Variants in CNTNAP2 observed in about 807,000 individuals in gnomAD.
CNTNAP2 encodes the protein contactin-associated protein-like 2.
CNTNAP2 carries 98 observed loss-of-function variants against 155.2 expected under a neutral mutation model. The ratio of observed to expected loss-of-function variants is 0.63; its 90% CI spans 0.54 to 0.75. The LOEUF is 0.75. Among genes scored for constraint, CNTNAP2 ranks in the 30% least tolerant of loss-of-function variants. The pLI, the probability that CNTNAP2 is intolerant of heterozygous loss-of-function variation, is 0.00. For missense variants in CNTNAP2, 1,727 were observed against 1,688.1 expected, an observed-to-expected ratio of 1.02 and a Z score of -0.40; for synonymous variants, 651 against 631.2, an observed-to-expected ratio of 1.03 and a Z score of -0.47.
rs572317024 is a variant in CNTNAP2 at position 148,162,662 on chromosome 7, G to T, written c.2774-9580G>T. Among the ~76,000 whole-genome samples the T allele has an allele frequency of 3.2e-4, 49 of 152,286 alleles. 2 individuals carry two copies. The South Asian group carries it at 9.1e-3, about 28-fold the overall frequency. On this transcript the variant is annotated intron_variant, in intron 17 of 23. Transcript: ENST00000361727. ...TGACATTCCTGGCTCTGTGAGTATT[G>T]CATTTCCCCTTTCAGCTTCAGCCAT...
At chr7:146,245,704 G>A (rs1446342760) in intron 1 of CNTNAP2, among the ~76,000 whole-genome samples, 4 of 152,122 alleles carry the variant, frequency 2.6e-5, no homozygotes, top group Non-Finnish European at 4.4e-5. Flanking sequence ...AACAGATGAG[G>A]ATGAAGTTTG....
At chr7:147,292,459 AT>A (rs935832262) in intron 8 of CNTNAP2, among the ~76,000 whole-genome samples, 78 of 151,970 alleles carry the variant, frequency 5.1e-4, no homozygotes, top group African/African-American at 1.8e-3. Context: ...ATATTTAAGG[AT>A]TTTTTTTGCA....
At chr7:148,224,468 C>G (rs756631363) in intron 19 of CNTNAP2, among the ~76,000 whole-genome samples, 50 of 152,128 alleles carry the variant, frequency 3.3e-4, no homozygotes, top group Non-Finnish European at 6.5e-4. Context: ...TAAAAAGTGA[C>G]AGTGAGTGGT....
chr7:146,910,827 C>T (rs1044740922), intron 3 of CNTNAP2, among the ~76,000 whole-genome samples: 3 of 149,048 alleles, frequency 2.0e-5, no homozygotes, highest in African/African-American at 7.5e-5. Flanking sequence ...AACTAAAGAG[C>T]TTCTGCACAG....
At chr7:148,412,407 GTTTA>G (rs973054957) in intron 23 of CNTNAP2, among the ~76,000 whole-genome samples, 2 of 152,226 alleles carry the variant, frequency 1.3e-5, no homozygotes, top group Non-Finnish European at 2.9e-5. Flanking sequence ...GTATCTATAC[GTTTA>G]TTTGTCTCAT....
chr7:147,457,142 C>T (rs959273405), intron 10 of CNTNAP2, among the ~76,000 whole-genome samples: 11 of 152,042 alleles, frequency 7.2e-5, no homozygotes, highest in Non-Finnish European at 1.5e-4. Flanking sequence ...ATATAAATGC[C>T]TTTCATTTCA....
intron 8 of CNTNAP2, among the ~76,000 whole-genome samples, chr7:147,272,664 A>ATTT (rs71182188): frequency 8.6e-5 from 12 of 138,922 alleles, no homozygotes; most frequent in African/African-American, 2.4e-4. Flanking sequence ...CGCCCGGCTA[A>ATTT]TTTTTTTTTT....
At chr7:148,347,109 T>C (rs1302572636) in intron 21 of CNTNAP2, among the ~76,000 whole-genome samples, 1 of 151,794 alleles carries the variant, frequency 6.6e-6, no homozygotes, top group African/African-American at 2.4e-5. Context: ...ATACAAAAAT[T>C]AGCCAGGCAT....
intron 21 of CNTNAP2, among the ~76,000 whole-genome samples, chr7:148,315,374 A>AG (rs1308415023): frequency 2.0e-5 from 3 of 151,932 alleles, no homozygotes; most frequent in Non-Finnish European, 4.4e-5. Flanking sequence ...TTACAGTCAA[A>AG]GGGGGGTTGT....
intron 1 of CNTNAP2, among the ~76,000 whole-genome samples, chr7:146,701,135 C>T (rs1419718056): frequency 6.6e-6 from 1 of 152,106 alleles, no homozygotes; most frequent in African/African-American, 2.4e-5. Context: ...ATAAAACCAA[C>T]TGCTTATCTG....
At chr7:147,315,294 C>T (rs909295053) in intron 9 of CNTNAP2, among the ~76,000 whole-genome samples, 8 of 150,232 alleles carry the variant, frequency 5.3e-5, no homozygotes, top group Admixed American at 2.7e-4. Flanking sequence ...TGTGATACTC[C>T]GAATATTCAC....
chr7:147,519,545 T>C (rs1799195211), intron 11 of CNTNAP2, among the ~76,000 whole-genome samples: 1 of 152,244 alleles, frequency 6.6e-6, no homozygotes, highest in Admixed American at 6.5e-5. Flanking sequence ...AAACCTCAAA[T>C]TGTATTCTGT....
chr7:146,563,354 T>C (rs772703798), intron 1 of CNTNAP2, among the ~76,000 whole-genome samples: 2 of 152,102 alleles, frequency 1.3e-5, no homozygotes, highest in African/African-American at 2.4e-5. Flanking sequence ...TTCCAAACCA[T>C]TACACTATTG....
intron 13 of CNTNAP2, chr7:147,897,029 C>T (rs1170413412): frequency 2.0e-5 from 3 of 151,412 alleles, no homozygotes; most frequent in Admixed American, 6.6e-5. Flanking sequence ...CCAAACAATT[C>T]AACAATGAAA....
intron 11 of CNTNAP2, among the ~76,000 whole-genome samples, chr7:147,535,038 T>C (rs1011087292): frequency 5.9e-5 from 9 of 152,148 alleles, no homozygotes; most frequent in African/African-American, 2.2e-4. Context: ...TACCCCAATG[T>C]GTGGCATTAT....
chr7:147,194,393 C>T (rs78880570), intron 8 of CNTNAP2, among the ~76,000 whole-genome samples: 5,501 of 152,110 alleles, frequency 0.036, 532 homozygotes, highest in East Asian at 0.34. Flanking sequence ...AATAAATATA[C>T]GTGGGCATGT....
At chr7:146,588,417 A>C (rs915781956) in intron 1 of CNTNAP2, among the ~76,000 whole-genome samples, 2 of 152,216 alleles carry the variant, frequency 1.3e-5, no homozygotes, top group Non-Finnish European at 2.9e-5. Context: ...AACTTTTTAA[A>C]ATATTTTTCT....
intron 21 of CNTNAP2, among the ~76,000 whole-genome samples, chr7:148,371,731 A>G (rs1798888854): frequency 6.6e-6 from 1 of 152,158 alleles, no homozygotes; most frequent in Non-Finnish European, 1.5e-5. Context: ...CACAGAGTGC[A>G]CTTACACAAA....
At chr7:146,817,404 G>C (rs773853861) in intron 2 of CNTNAP2, among the ~76,000 whole-genome samples, 18 of 151,972 alleles carry the variant, frequency 1.2e-4, no homozygotes, top group African/African-American at 4.1e-4. Context: ...CCCGGGAGGC[G>C]GAAGTTGCAG....
Sources: allele counts gnomAD v4.1 joint callset (sites outside exome capture counted in the v4.1 genomes callset), GRCh38; gene constraint gnomAD v4.1.1; transcripts MANE v1.5; gene names NCBI Gene and HGNC (gene_info 2026-07-23, HGNC 2026-07-21).